Variants in IL1RAPL1 observed in about 807,000 individuals in gnomAD.
IL1RAPL1 encodes interleukin-1 receptor accessory protein-like 1.
Under a neutral mutation model 48.4 loss-of-function variants are expected in IL1RAPL1, and 3 were observed. That is an observed-to-expected ratio of 0.06 (90% confidence interval 0.03 to 0.16). The LOEUF is 0.16. Among genes scored for constraint, IL1RAPL1 ranks in the 10% least tolerant of loss-of-function variants. The pLI is 1.00. For synonymous variants in IL1RAPL1, 185 were observed against 187.7 expected, an observed-to-expected ratio of 0.99 and a Z score of 0.12; for missense variants, 349 against 530.6, an observed-to-expected ratio of 0.66 and a Z score of 3.36.
chrX:28,737,693 A>G (rs1935860687), intron 1 of IL1RAPL1, among the ~76,000 whole-genome samples: 1 of 112,783 alleles, frequency 8.9e-6, no homozygotes, highest in Non-Finnish European at 1.9e-5. Context: ...ACATTTTAAT[A>G]TAGAGATTTT....
intron 2 of IL1RAPL1, among the ~76,000 whole-genome samples, chrX:29,124,013 T>C (rs987772846): frequency 9.0e-6 from 1 of 111,722 alleles, no homozygotes; most frequent in African/African-American, 3.2e-5. Flanking sequence ...TTCACATTTG[T>C]GGTCTGCATC....
intron 2 of IL1RAPL1, among the ~76,000 whole-genome samples, chrX:28,912,512 T>TAC (rs1045725968): frequency 9.0e-6 from 1 of 111,071 alleles, no homozygotes; most frequent in African/African-American, 3.3e-5. Flanking sequence ...TGTGTATATA[T>TAC]ACACATATAC....
At chrX:29,843,771 TTCTC>T (rs111705491) in intron 6 of IL1RAPL1, among the ~76,000 whole-genome samples, 91 of 105,234 alleles carry the variant, frequency 8.6e-4, no homozygotes, top group African/African-American at 3.0e-3. Context: ...CTCTCTTCAA[TTCTC>T]TCTCTCTCTC....
chrX:29,651,114 A>T (rs1414087478), intron 5 of IL1RAPL1, among the ~76,000 whole-genome samples: 1 of 110,418 alleles, frequency 9.1e-6, no homozygotes, highest in Non-Finnish European at 1.9e-5. Context: ...TGTCAAAAAA[A>T]AAAAAAGATA....
intron 2 of IL1RAPL1, among the ~76,000 whole-genome samples, chrX:29,129,069 G>T: frequency 1.2e-5 from 1 of 82,117 alleles, no homozygotes; most frequent in Admixed American, 1.5e-4. Flanking sequence ...TTGAGATGGA[G>T]TTTCACTCTT....
At chrX:29,397,963 A>C (rs1933939771) in intron 4 of IL1RAPL1, among the ~76,000 whole-genome samples, 1 of 112,194 alleles carries the variant, frequency 8.9e-6, no homozygotes, top group South Asian at 3.7e-4. Flanking sequence ...CATTGCCACA[A>C]TAATTTTGAC....
chrX:29,631,890 C>T (rs1924787241), intron 5 of IL1RAPL1, among the ~76,000 whole-genome samples: 1 of 111,698 alleles, frequency 9.0e-6, no homozygotes, highest in Non-Finnish European at 1.9e-5. Context: ...CAGTACAAAA[C>T]TAATGGATAC....
chrX:28,731,555 T>C (rs1009319537), intron 1 of IL1RAPL1, among the ~76,000 whole-genome samples: 2 of 112,014 alleles, frequency 1.8e-5, no homozygotes, highest in Non-Finnish European at 3.8e-5. Flanking sequence ...GTGATGAAGC[T>C]GAATGGTGGG....
intron 3 of IL1RAPL1, among the ~76,000 whole-genome samples, chrX:29,351,451 A>G (rs1442498654): frequency 8.9e-6 from 1 of 111,875 alleles, no homozygotes; most frequent in East Asian, 2.8e-4. Flanking sequence ...CGATGTGAAT[A>G]AAACACTTAG....
intron 2 of IL1RAPL1, among the ~76,000 whole-genome samples, chrX:29,137,412 G>A (rs1386390770): frequency 9.0e-6 from 1 of 111,387 alleles, no homozygotes; most frequent in African/African-American, 3.3e-5. Context: ...ATTTTTTTGT[G>A]GTGAAATTTA....
chrX:28,929,422 T>G (rs1350819611), intron 2 of IL1RAPL1, among the ~76,000 whole-genome samples: 1 of 111,785 alleles, frequency 8.9e-6, no homozygotes, highest in Admixed American at 9.5e-5. Flanking sequence ...CCTCTCCCAC[T>G]CCTCTCATTC....
At chrX:29,884,557 C>T (rs191647446) in intron 6 of IL1RAPL1, among the ~76,000 whole-genome samples, 232 of 111,367 alleles carry the variant, frequency 2.1e-3, no homozygotes, top group African/African-American at 7.3e-3. Flanking sequence ...TCTCTACTCT[C>T]CCTACTCTCA....
At chrX:28,970,657 A>G (rs904177537) in intron 2 of IL1RAPL1, among the ~76,000 whole-genome samples, 4 of 111,846 alleles carry the variant, frequency 3.6e-5, no homozygotes, top group Non-Finnish European at 7.5e-5. Flanking sequence ...TGAAACAAAA[A>G]GCAACAACAG....
intron 1 of IL1RAPL1, among the ~76,000 whole-genome samples, chrX:28,693,760 G>A: frequency 8.9e-6 from 1 of 111,886 alleles, no homozygotes; most frequent in Non-Finnish European, 1.9e-5. Context: ...TGTTATTGAC[G>A]AAGAGATACT....
chrX:28,964,805 G>A (rs1158645010), intron 2 of IL1RAPL1, among the ~76,000 whole-genome samples: 1 of 111,502 alleles, frequency 9.0e-6, no homozygotes, highest in Non-Finnish European at 1.9e-5. Flanking sequence ...AAGTAGTCTT[G>A]AAATAATTTC....
At chrX:28,984,662 C>T (rs1184389470) in intron 2 of IL1RAPL1, among the ~76,000 whole-genome samples, 7 of 111,281 alleles carry the variant, frequency 6.3e-5, no homozygotes, top group Non-Finnish European at 1.1e-4. Context: ...CTTCTCTACA[C>T]CTTTTAAGAT....
At chrX:29,791,414 T>G (rs1437162077) in intron 6 of IL1RAPL1, among the ~76,000 whole-genome samples, 1 of 107,927 alleles carries the variant, frequency 9.3e-6, no homozygotes, top group Non-Finnish European at 1.9e-5. Flanking sequence ...CATTTTCTTT[T>G]TTTTCTTTTT....
At chrX:28,762,786 G>GCGCGCA (rs1366464632) in intron 1 of IL1RAPL1, among the ~76,000 whole-genome samples, 2 of 62,969 alleles carry the variant, frequency 3.2e-5, no homozygotes, top group African/African-American at 1.3e-4. Context: ...GCACGCGCGC[G>GCGCGCA]CACACACACA....
intron 1 of IL1RAPL1, among the ~76,000 whole-genome samples, chrX:28,599,501 CA>C (rs1222802240): frequency 9.0e-6 from 1 of 111,570 alleles, no homozygotes; most frequent in African/African-American, 3.3e-5. Context: ...CTCACACTGC[CA>C]CTGTCTCAGT....
Sources: allele counts gnomAD v4.1 joint callset (sites outside exome capture counted in the v4.1 genomes callset), GRCh38; gene constraint gnomAD v4.1.1; transcripts MANE v1.5; gene names NCBI Gene and HGNC (gene_info 2026-07-23, HGNC 2026-07-21).